Variants in CSTPP1 observed in about 807,000 individuals in gnomAD.
CSTPP1 encodes centriolar satellite-associated tubulin polyglutamylase complex regulator 1, also known as UPF0705 protein C11orf49.
At chr11:47,061,299 T>C in the CSTPP1 span, among the ~76,000 whole-genome samples, 7 of 152,214 alleles carry the variant, frequency 4.6e-5, no homozygotes, top group Admixed American at 1.3e-4. Context: ...ATTCTAGGAA[T>C]CAGGGAATTG....
the CSTPP1 span, among the ~76,000 whole-genome samples, chr11:47,150,508 A>G: frequency 6.6e-6 from 1 of 152,168 alleles, no homozygotes; most frequent in African/African-American, 2.4e-5. Context: ...CAGTGTGAGG[A>G]GGTTTCCGAG....
chr11:47,120,167 C>A, the CSTPP1 span, among the ~76,000 whole-genome samples: 1 of 152,162 alleles, frequency 6.6e-6, no homozygotes, highest in East Asian at 1.9e-4. The surrounding 1 kb of genome is among the most constrained non-coding windows in gnomAD (Gnocchi z 4.2). Context: ...ACAGGTGATT[C>A]ATGATCATAT....
At chr11:46,955,415 G>A in the CSTPP1 span, among the ~76,000 whole-genome samples, 2 of 150,276 alleles carry the variant, frequency 1.3e-5, no homozygotes. Context: ...CCAGGCTGGA[G>A]TGCAGTGGTG....
At chr11:46,943,039 C>T in the CSTPP1 span, among the ~76,000 whole-genome samples, 2 of 152,192 alleles carry the variant, frequency 1.3e-5, no homozygotes, top group Admixed American at 6.5e-5. Context: ...TTTTACTCAT[C>T]ATTGTCAACC....
the CSTPP1 span, among the ~76,000 whole-genome samples, chr11:47,156,333 GCCA>G: frequency 3.9e-4 from 60 of 152,354 alleles, no homozygotes; most frequent in African/African-American, 1.4e-3. Context: ...GGATGGGACA[GCCA>G]CCACATTGGG....
chr11:47,038,167 T>A, the CSTPP1 span, among the ~76,000 whole-genome samples: 1 of 69,076 alleles, frequency 1.4e-5, no homozygotes, highest in East Asian at 4.1e-4. Context: ...CCCCCCCACC[T>A]CCCTCCCAGA....
At chr11:47,001,962 G>A in the CSTPP1 span, among the ~76,000 whole-genome samples, 1 of 152,082 alleles carries the variant, frequency 6.6e-6, no homozygotes, top group Admixed American at 6.6e-5. Flanking sequence ...GGCCATTTCT[G>A]CTCATGTTTT....
At chr11:46,979,155 C>G in the CSTPP1 span, among the ~76,000 whole-genome samples, 1 of 152,138 alleles carries the variant, frequency 6.6e-6, no homozygotes, top group African/African-American at 2.4e-5. Flanking sequence ...AGGAGTCCTA[C>G]TATGTTGGTC....
At chr11:47,120,600 A>G in the CSTPP1 span, among the ~76,000 whole-genome samples, 2 of 152,188 alleles carry the variant, frequency 1.3e-5, no homozygotes, top group Non-Finnish European at 2.9e-5. The surrounding 1 kb of genome is among the most constrained non-coding windows in gnomAD (Gnocchi z 4.2). Flanking sequence ...CAATAATTCA[A>G]CCACCAATAA....
the CSTPP1 span, among the ~76,000 whole-genome samples, chr11:47,060,910 G>A: frequency 6.6e-6 from 1 of 152,168 alleles, no homozygotes; most frequent in Non-Finnish European, 1.5e-5. Context: ...TGAAAGCATA[G>A]ACCCGTTAGG....
the CSTPP1 span, among the ~76,000 whole-genome samples, chr11:47,028,216 C>G: frequency 6.6e-6 from 1 of 152,184 alleles, no homozygotes; most frequent in Non-Finnish European, 1.5e-5. Flanking sequence ...AGCCATCACG[C>G]CCGGCCACAT....
At chr11:47,004,192 T>G in the CSTPP1 span, among the ~76,000 whole-genome samples, 758 of 151,808 alleles carry the variant, frequency 5.0e-3, 8 homozygotes, top group Non-Finnish European at 8.1e-3. Flanking sequence ...TTTTGTTTTT[T>G]TTTTTTGAGA....
chr11:47,142,973 T>C, the CSTPP1 span, among the ~76,000 whole-genome samples: 1 of 152,262 alleles, frequency 6.6e-6, no homozygotes, highest in East Asian at 1.9e-4. Context: ...TCCATATCAA[T>C]AGCAGTCTGA....
chr11:47,132,112 G>A, the CSTPP1 span, among the ~76,000 whole-genome samples: 1 of 152,210 alleles, frequency 6.6e-6, no homozygotes, highest in Non-Finnish European at 1.5e-5. Context: ...TTTACTGACA[G>A]TTATAGTACC....
the CSTPP1 span, among the ~76,000 whole-genome samples, chr11:47,095,855 GA>G: frequency 1.3e-5 from 2 of 151,922 alleles, no homozygotes; most frequent in Admixed American, 1.3e-4. Context: ...TGCAAAACCT[GA>G]TTTTTTTTGC....
At chr11:47,066,112 T>G in the CSTPP1 span, among the ~76,000 whole-genome samples, 1,357 of 19,210 alleles carry the variant, frequency 0.071, 17 homozygotes, top group African/African-American at 0.18. Flanking sequence ...TTTTTTTTTT[T>G]TTTTTGTTTG....
chr11:47,078,412 G>T, the CSTPP1 span, among the ~76,000 whole-genome samples: 1 of 152,202 alleles, frequency 6.6e-6, no homozygotes, highest in Admixed American at 6.5e-5. Flanking sequence ...GAAAACAAAG[G>T]GAGGAGAAAG....
At chr11:47,047,322 A>C in the CSTPP1 span, among the ~76,000 whole-genome samples, 1 of 152,238 alleles carries the variant, frequency 6.6e-6, no homozygotes, top group Non-Finnish European at 1.5e-5. Context: ...GAAAGTTCAA[A>C]CTTCCCAACT....
chr11:47,139,871 A>G, the CSTPP1 span, among the ~76,000 whole-genome samples: 2 of 152,172 alleles, frequency 1.3e-5, no homozygotes, highest in Non-Finnish European at 1.5e-5. Context: ...CGGGAGCACA[A>G]GGAGTCTCTT....
Sources: gnomAD v4.1 joint callset for allele counts (sites outside exome capture counted in the v4.1 genomes callset) on GRCh38, gnomAD v4.1.1 for gene constraint, Gnocchi (gnomAD v3.1) non-coding constraint, MANE v1.5 for transcripts, NCBI Gene and HGNC (gene_info 2026-07-23, HGNC 2026-07-21) for gene names.